AGAP1: variants seen among roughly 807,000 people sequenced by gnomAD.
The protein encoded by AGAP1 is ArfGAP with GTPase domain, ankyrin repeat and PH domain 1.
In AGAP1, 29 loss-of-function variants were observed where a neutral mutation model predicts 105.3. The observed-to-expected ratio is 0.28, with a 90% CI of 0.21 to 0.38. The LOEUF is 0.38. Among genes scored for constraint, AGAP1 ranks in the 10% least tolerant of loss-of-function variants. The pLI, the probability that AGAP1 is intolerant of heterozygous loss-of-function variation, is 1.00. For missense variants in AGAP1, 998 were observed against 1,165.1 expected (o/e 0.86, Z 2.09); for synonymous variants, 509 against 485.9 (o/e 1.05, Z -0.63).
intron 1 of AGAP1, among the ~76,000 whole-genome samples, chr2:235,603,217 C>CA (rs778187560): frequency 4.1e-4 from 63 of 151,886 alleles, no homozygotes; most frequent in Non-Finnish European, 7.1e-4. Context: ...GCTCGGCTCT[C>CA]GTCTCTCTCT....
Position 236,000,572 on chromosome 2 carries a change from G to T in AGAP1, c.1645+31949G>T, listed in dbSNP as rs2056075696. Reference sequence around the variant, plus strand: ...TAGAAGGCCATGGCGCACCTGCTCTGTGCAGAGGCTGGGCGAACACCAGCC... The same window carrying T: ...TAGAAGGCCATGGCGCACCTGCTCTTTGCAGAGGCTGGGCGAACACCAGCC... On this transcript the variant is annotated intron_variant, in intron 13 of 17. Coordinates refer to ENST00000304032, the MANE Select transcript of AGAP1 (RefSeq NM_001037131.3). This position sits in a 1 kb window ranked among gnomAD's most constrained non-coding sequence, Gnocchi z 4.3. Among the ~76,000 whole-genome samples the T allele has an allele frequency of 6.6e-6, 1 of 152,168 alleles. No homozygotes were observed. Among genetic ancestry groups the T allele is most frequent in the Non-Finnish European group, 1.5e-5 (1 of 68,038 alleles).
chr2:235,827,855 C>T (rs1959156997), intron 9 of AGAP1, among the ~76,000 whole-genome samples: 1 of 152,206 alleles, frequency 6.6e-6, no homozygotes. Flanking sequence ...TGCTTTGCGC[C>T]TGCTGGGATG....
chr2:235,852,917 G>T (rs1273653247), intron 9 of AGAP1: 1 of 1,318,636 alleles, frequency 7.6e-7, no homozygotes, highest in African/African-American at 1.5e-5. Context: ...GCTGCTGTTT[G>T]TCCTGACTTC....
rs926062684 is a variant in AGAP1, at chr2:235,662,855, C to A, written c.164-46324C>A. On this transcript the variant is annotated intron_variant, in intron 1 of 17. Coordinates refer to ENST00000304032, the MANE Select transcript of AGAP1 (RefSeq NM_001037131.3). This position sits in a 1 kb window ranked among gnomAD's most constrained non-coding sequence, Gnocchi z 4.2. ...CTGGCCACTGCTGACTGGTGCATGG[C>A]GAGCAGAGGTTTTATTCCATCTTAC... 6.6e-6 allele frequency among the ~76,000 whole-genome samples: 1 copy of A among 152,156 alleles called. No homozygotes were observed. The highest frequency in any genetic ancestry group is 1.5e-5 in the Non-Finnish European group (1 of 68,020).
chr2:235,845,430 C>A lies in AGAP1; in HGVS notation c.1051-37915C>A, dbSNP rs1190114282. 1.3e-5 allele frequency among the ~76,000 whole-genome samples: 2 copies of A among 151,402 alleles called. No homozygotes were observed. The highest frequency in any genetic ancestry group is 2.4e-5 in the African/African-American group (1 of 41,370). On this transcript the variant is annotated intron_variant, in intron 9 of 17. Coordinates refer to ENST00000304032, the MANE Select transcript of AGAP1 (RefSeq NM_001037131.3). This position sits in a 1 kb window ranked among gnomAD's most constrained non-coding sequence, Gnocchi z 4.8. Reference sequence around the variant, plus strand: ...CATATGATACCCTGAGTTCCTGAGTCAGCAAACGGAATGGGGGAATGAGCA... The same window carrying A: ...CATATGATACCCTGAGTTCCTGAGTAAGCAAACGGAATGGGGGAATGAGCA...
intron 1 of AGAP1, among the ~76,000 whole-genome samples, chr2:235,604,817 C>T (rs1012108856): frequency 3.3e-5 from 5 of 151,884 alleles, no homozygotes; most frequent in South Asian, 4.2e-4. Context: ...CTCCTGACCT[C>T]GTGATCTGCC....
intron 1 of AGAP1, chr2:235,670,673 G>A (rs13014733): frequency 0.2 from 132,065 of 665,148 alleles, 15,679 homozygotes; most frequent in Admixed American, 0.4. Context: ...GGCCGCGGCC[G>A]GGACCACCCT....
Position 235,849,902 on chromosome 2 carries a change from C to A in AGAP1, c.1051-33443C>A, listed in dbSNP as rs114908887. On this transcript the variant is annotated intron_variant, in intron 9 of 17. Transcript: ENST00000304032. ...CAAGCCACTCACACCCTGACATGCTCCCCTCTCCCTCTCACCACGACTCTT... is the reference window on the plus strand; with the variant it reads ...CAAGCCACTCACACCCTGACATGCTACCCTCTCCCTCTCACCACGACTCTT... Among the ~76,000 whole-genome samples the A allele has an allele frequency of 5.5e-3, 844 of 152,320 alleles. 7 individuals are homozygous for A. The highest frequency in any genetic ancestry group is 0.018 in the African/African-American group (767 of 41,570).
In AGAP1 at chr2:236,061,479, C is replaced by G. The variant is rs1028110906; in HGVS notation, c.2114+12198C>G. ...GTCCCTCTGTGGATGAATGGGTGAA[C>G]AAAACATGGTCTGTCCGTACACCAG... On this transcript the variant is annotated intron_variant, in intron 16 of 17. Transcript: ENST00000304032. This position sits in a 1 kb window ranked among gnomAD's most constrained non-coding sequence, Gnocchi z 4.1. Among the ~76,000 whole-genome samples, 1 of 152,158 alleles carries G rather than the reference C, an allele frequency of 6.6e-6. No homozygotes were observed. The highest frequency in any genetic ancestry group is 1.5e-5 in the Non-Finnish European group (1 of 68,034).
At chr2:235,686,620 G>GATAGATATAGATATAT (rs1949416375) in intron 1 of AGAP1, among the ~76,000 whole-genome samples, 1 of 57,244 alleles carries the variant, frequency 1.7e-5, no homozygotes, top group African/African-American at 8.7e-5. Flanking sequence ...TGGAGATATA[G>GATAGATATAGATATAT]ATATATATAT....
intron 9 of AGAP1, among the ~76,000 whole-genome samples, chr2:235,853,909 CTTG>C (rs918552413): frequency 3.9e-5 from 6 of 151,950 alleles, no homozygotes; most frequent in Admixed American, 6.6e-5. Context: ...TCATTGCAGA[CTTG>C]TTGTCAGCCT....
chr2:236,036,027 G>A lies in AGAP1; in HGVS notation c.1646-534G>A, dbSNP rs190509335. On this transcript the variant is annotated intron_variant, in intron 13 of 17. Transcript: ENST00000304032. The surrounding 1 kb of genome is among the most constrained non-coding windows in gnomAD (Gnocchi z 5.7). Reference sequence around the variant, plus strand: ...CAGCTGAGATCCTCCTAAGGCACGCGGGATCCCATGCACTCTCCCTGTCTG... The same window carrying A: ...CAGCTGAGATCCTCCTAAGGCACGCAGGATCCCATGCACTCTCCCTGTCTG... Among the ~76,000 whole-genome samples, 4 of 152,084 alleles carry A rather than the reference G, an allele frequency of 2.6e-5. No homozygotes were observed. Among genetic ancestry groups the A allele is most frequent in the African/African-American group, 7.2e-5 (3 of 41,480 alleles).
chr2:235,926,294 G>A (rs1257101687), intron 11 of AGAP1, among the ~76,000 whole-genome samples: 4 of 152,222 alleles, frequency 2.6e-5, no homozygotes, highest in African/African-American at 9.6e-5. Flanking sequence ...GGGGTGGTTC[G>A]TTTCTTTGAC....
intron 12 of AGAP1, among the ~76,000 whole-genome samples, chr2:235,949,870 G>T (rs2053659661): frequency 6.6e-6 from 1 of 152,180 alleles, no homozygotes; most frequent in African/African-American, 2.4e-5. Context: ...GGAAAGTTCT[G>T]CCAGGAAAAA....
At chr2:235,956,754 G>A (rs1339459752) in intron 12 of AGAP1, among the ~76,000 whole-genome samples, 1 of 152,210 alleles carries the variant, frequency 6.6e-6, no homozygotes, top group African/African-American at 2.4e-5. Context: ...GGTCAGCTGT[G>A]TAGAGCCAGA....
In AGAP1 at chr2:235,967,552, A is replaced by G. The variant is rs1192824455; in HGVS notation, c.1484-910A>G. 2.0e-5 allele frequency among the ~76,000 whole-genome samples: 3 copies of G among 152,232 alleles called. No individual in the cohort carries two copies. The highest frequency in any genetic ancestry group is 7.2e-5 in the African/African-American group (3 of 41,454). On this transcript the variant is annotated intron_variant, in intron 12 of 17. Coordinates refer to ENST00000304032, the MANE Select transcript of AGAP1 (RefSeq NM_001037131.3). This position sits in a 1 kb window ranked among gnomAD's most constrained non-coding sequence, Gnocchi z 4.7. ...CTTGAAAAGCCGCTGGCTCACAGTC[A>G]GTGCTCAAAAAATACCAGCTGAATG...
Position 235,799,417 on chromosome 2 carries a change from G to A in AGAP1, c.852G>A (p.Ser284=), listed in dbSNP as rs1355146428. ...SLSDYSSSVP[S]TPSTSQKELR... Reference sequence around the variant, plus strand: ...GCGACTATTCCTCCTCCGTTCCATCGACTCCCAGCACCAGCCAGAAGGAAC... The same window carrying A: ...GCGACTATTCCTCCTCCGTTCCATCAACTCCCAGCACCAGCCAGAAGGAAC... The change falls in exon 8 of 18, where the codon TCG becomes TCA. Residue 284 remains serine (S), a synonymous_variant. Coordinates refer to ENST00000304032, the MANE Select transcript of AGAP1 (RefSeq NM_001037131.3). This position sits in a 1 kb window ranked among gnomAD's most constrained non-coding sequence, Gnocchi z 5.0. 2.5e-6 allele frequency: 4 copies of A among 1,614,072 alleles called. No homozygotes were observed. The highest frequency in any genetic ancestry group is 2.2e-5 in the South Asian group (2 of 91,072).
Position 236,022,054 on chromosome 2 carries a change from CAA to C in AGAP1, c.1646-14484_1646-14483del, listed in dbSNP as rs55810820. On this transcript the variant is annotated intron_variant, in intron 13 of 17. Coordinates refer to ENST00000304032, the MANE Select transcript of AGAP1 (RefSeq NM_001037131.3). ...AGTCTGGGCGACAGAGACCCTGTCT[CAA>C]AAAAAAAAAAAAAAAAAAAAAAGGC... Among the ~76,000 whole-genome samples, 126 of 89,262 alleles carry C rather than the reference CAA, an allele frequency of 1.4e-3. 1 individual carries two copies. The highest frequency in any genetic ancestry group is 3.6e-3 in the African/African-American group (86 of 23,646). The allele number at this position is 89,262 out of a possible 152,430, so 58.6% of individuals were successfully genotyped here. A position where few individuals can be genotyped will look rare whatever the true frequency, so the allele number is the denominator to read the frequency against.
In AGAP1 at chr2:235,897,142, G is replaced by A. The variant is rs143968033; in HGVS notation, c.1156-11596G>A. On this transcript the variant is annotated intron_variant, in intron 10 of 17. Coordinates refer to ENST00000304032, the MANE Select transcript of AGAP1 (RefSeq NM_001037131.3). Reference sequence around the variant, plus strand: ...CTGTTGCCCAGGCTGGAGTGCTGTGGCGTGATCTCAGCTCGCTGCAACCTC... The same window carrying A: ...CTGTTGCCCAGGCTGGAGTGCTGTGACGTGATCTCAGCTCGCTGCAACCTC... Among the ~76,000 whole-genome samples the A allele has an allele frequency of 5.8e-3, 890 of 152,236 alleles. 3 individuals carry two copies. The highest frequency in any genetic ancestry group is 0.02 in the African/African-American group (845 of 41,536).
Sources: gnomAD v4.1 joint callset for allele counts (sites outside exome capture counted in the v4.1 genomes callset) on GRCh38, gnomAD v4.1.1 for gene constraint, Gnocchi (gnomAD v3.1) non-coding constraint, MANE v1.5 for transcripts, NCBI Gene and HGNC (gene_info 2026-07-23, HGNC 2026-07-21) for gene names.